SHANK2: variants seen among roughly 807,000 people sequenced by gnomAD.
The protein encoded by SHANK2 is SH3 and multiple ankyrin repeat domains protein 2.
Under a neutral mutation model 133.7 loss-of-function variants are expected in SHANK2, and 43 were observed. That is an observed-to-expected ratio of 0.32 (90% CI 0.25 to 0.41). SHANK2 has a LOEUF of 0.41. SHANK2 is among the 10% of genes least tolerant of loss of function. The pLI is 1.00. For synonymous variants in SHANK2, 1,017 were observed against 952.8 expected (o/e 1.07, Z -1.24); for missense variants, 1,994 against 2,235.8 (o/e 0.89, Z 2.18).
chr11:70,741,827 A>C (rs143906692), intron 14 of SHANK2, among the ~76,000 whole-genome samples: 39 of 152,316 alleles, frequency 2.6e-4, no homozygotes, highest in African/African-American at 8.9e-4. Context: ...AGAAGTCACA[A>C]CTGGCAAGGA....
chr11:71,088,286 T>C (rs1189320674), intron 8 of SHANK2, among the ~76,000 whole-genome samples: 2 of 152,140 alleles, frequency 1.3e-5, no homozygotes, highest in Non-Finnish European at 2.9e-5. Context: ...CAAAATACTA[T>C]TTTAAAAAAT....
intron 7 of SHANK2, 91 bp downstream of exon 7, chr11:71,094,446 C>G: frequency 1.5e-6 from 2 of 1,295,396 alleles, no homozygotes; most frequent in Non-Finnish European, 2.1e-6. Flanking sequence ...GTGCACGGAC[C>G]CCCTAGGATG....
chr11:70,477,091 C>T (rs1293806909), intron 25 of SHANK2, among the ~76,000 whole-genome samples: 1 of 152,188 alleles, frequency 6.6e-6, no homozygotes, highest in Non-Finnish European at 1.5e-5. Flanking sequence ...CCTCGGTGGG[C>T]AGCGGGAGCG....
rs868950268 is a variant in SHANK2, at chr11:70,820,407, C to T, written c.1450G>A (p.Ala484Thr). 28 of 689,588 alleles carry T rather than the reference C, an allele frequency of 4.1e-5. No homozygotes were observed. Among genetic ancestry groups the T allele is most frequent in the Middle Eastern group, 4.7e-4 (2 of 4,298 alleles). The allele number at this position is 689,588 out of a possible 1,614,324, so 42.7% of individuals were successfully genotyped here. Reference protein sequence around the residue: ...RSPSLNRLGGAGEDGKRPQPL... With the variant: ...RSPSLNRLGGTGEDGKRPQPL... The stretch of plus-strand genomic sequence containing the variant: ...TGCGGCCTCTTGCCGTCCTCGCCTG[C>T]GCCGCCCAGCCTGTTGAGCGATGGG... The change falls in exon 12 of 26, where the codon GCA (alanine) becomes ACA (threonine). Residue 484 changes from alanine (A) to threonine (T), a missense_variant. Physicochemically the swap from Ala to Thr is moderately conservative, Grantham distance 58 (BLOSUM62 0). Around this residue, in one of 5 missense-constraint regions of SHANK2, gnomAD observed 653 missense variants for 563.4 expected, o/e 1.16. Coordinates refer to ENST00000601538, the MANE Select transcript of SHANK2 (RefSeq NM_012309.5).
chr11:70,705,921 AGC>A (rs1945653630), intron 14 of SHANK2: 1 of 152,208 alleles, frequency 6.6e-6, no homozygotes, highest in Non-Finnish European at 1.5e-5. Flanking sequence ...CAATAGAATG[AGC>A]TTTTAAAAAA....
At chr11:71,243,725 C>T (rs1353221343) in intron 1 of SHANK2, among the ~76,000 whole-genome samples, 1 of 151,982 alleles carries the variant, frequency 6.6e-6, no homozygotes, top group East Asian at 1.9e-4. Context: ...AATAATGAGA[C>T]GGTGCTACAA....
At chr11:70,577,995 A>AC (rs2060137674) in intron 17 of SHANK2, among the ~76,000 whole-genome samples, 1 of 152,048 alleles carries the variant, frequency 6.6e-6, no homozygotes, top group South Asian at 2.1e-4. Context: ...CTCAGGAGGA[A>AC]CCAGCCCTGT....
At chr11:70,822,266 G>A (rs1948539975) in intron 11 of SHANK2, among the ~76,000 whole-genome samples, 1 of 152,258 alleles carries the variant, frequency 6.6e-6, no homozygotes, top group Admixed American at 6.5e-5. Context: ...CACAGGACCA[G>A]GGCTACCATC....
At chr11:70,879,185 G>A (rs1250217085) in intron 11 of SHANK2, among the ~76,000 whole-genome samples, 1 of 152,138 alleles carries the variant, frequency 6.6e-6, no homozygotes, top group African/African-American at 2.4e-5. Flanking sequence ...GCTGTTTAAT[G>A]TGTCCCTTCT....
intron 3 of SHANK2, among the ~76,000 whole-genome samples, chr11:71,138,888 C>A (rs1321353156): frequency 6.6e-6 from 1 of 152,034 alleles, no homozygotes; most frequent in Non-Finnish European, 1.5e-5. Context: ...TCCCCGTCAG[C>A]AGATGCATGC....
chr11:71,138,405 T>C (rs1428785847), intron 3 of SHANK2, among the ~76,000 whole-genome samples: 1 of 152,220 alleles, frequency 6.6e-6, no homozygotes, highest in Non-Finnish European at 1.5e-5. Context: ...GGTAATTATG[T>C]GCCTGTGACC....
chr11:70,841,633 A>G (rs1445493011), intron 11 of SHANK2, among the ~76,000 whole-genome samples: 3 of 152,178 alleles, frequency 2.0e-5, no homozygotes, highest in African/African-American at 7.2e-5. Flanking sequence ...GGTGCCTGCG[A>G]TCACTGTTGG....
chr11:71,178,099 G>A (rs144969129), intron 2 of SHANK2, among the ~76,000 whole-genome samples: 5 of 152,288 alleles, frequency 3.3e-5, no homozygotes, highest in East Asian at 1.9e-4. Context: ...AGAAGAGAGC[G>A]TAGGGACTTA....
chr11:70,781,420 CT>C (rs1555045105), intron 14 of SHANK2, among the ~76,000 whole-genome samples: 1 of 151,028 alleles, frequency 6.6e-6, no homozygotes, highest in Non-Finnish European at 1.5e-5. Context: ...CCAGGCATCT[CT>C]GAGAGCCTTA....
At chr11:70,619,572 A>G (rs937540157) in intron 17 of SHANK2, among the ~76,000 whole-genome samples, 1 of 152,136 alleles carries the variant, frequency 6.6e-6, no homozygotes, top group Admixed American at 6.5e-5. Flanking sequence ...CGCCTTTCCC[A>G]TGGAAGGCAG....
chr11:71,194,716 T>C (rs1435378323), intron 2 of SHANK2, among the ~76,000 whole-genome samples: 10 of 152,168 alleles, frequency 6.6e-5, no homozygotes, highest in Non-Finnish European at 2.9e-5. Flanking sequence ...ACCATTAAAG[T>C]GAGCTCCAAA....
chr11:70,864,065 C>T (rs782429271), intron 11 of SHANK2: 1 of 336,272 alleles, frequency 3.0e-6, no homozygotes, highest in Non-Finnish European at 5.8e-6. Flanking sequence ...ACCTTGCAAG[C>T]ACAAGAAAGG....
chr11:71,173,284 C>T (rs1298089008), intron 2 of SHANK2, among the ~76,000 whole-genome samples: 1 of 152,182 alleles, frequency 6.6e-6, no homozygotes, highest in African/African-American at 2.4e-5. Flanking sequence ...ATAGGTTTCT[C>T]CTTCTGGCTG....
At chr11:70,783,936 G>A (rs1432564629) in intron 14 of SHANK2, among the ~76,000 whole-genome samples, 1 of 152,192 alleles carries the variant, frequency 6.6e-6, no homozygotes. Context: ...CCAGATGCCT[G>A]CCCTGGGCAC....
Sources: gnomAD v4.1 joint callset for allele counts (sites outside exome capture counted in the v4.1 genomes callset) on GRCh38, gnomAD v4.1.1 for gene constraint, gnomAD v4.1.1 regional missense constraint, MANE v1.5 for transcripts, NCBI Gene and HGNC (gene_info 2026-07-23, HGNC 2026-07-21) for gene names.